Variants in ANO4 observed in about 807,000 individuals in gnomAD.
The protein encoded by ANO4 is anoctamin-4.
Under a neutral mutation model 141.9 loss-of-function variants are expected in ANO4, and 69 were observed. That is an observed-to-expected ratio of 0.49 (90% CI 0.40 to 0.59). The LOEUF (loss-of-function observed/expected upper bound fraction) is 0.59. Among genes scored for constraint, ANO4 ranks in the 20% least tolerant of loss-of-function variants. The pLI, the probability that ANO4 is intolerant of heterozygous loss-of-function variation, is 0.00. For missense variants in ANO4, 894 were observed against 1,162.2 expected, an observed-to-expected ratio of 0.77 and a Z score of 3.36; for synonymous variants, 350 against 394.3, an observed-to-expected ratio of 0.89 and a Z score of 1.33.
chr12:100,927,788 G>A (rs2041932098), intron 3 of ANO4, among the ~76,000 whole-genome samples: 1 of 151,978 alleles, frequency 6.6e-6, no homozygotes, highest in Non-Finnish European at 1.5e-5. Flanking sequence ...ATGATTCCCA[G>A]CATATCTGGA....
At chr12:101,020,754 A>G (rs1338140040) in intron 9 of ANO4, among the ~76,000 whole-genome samples, 1 of 152,106 alleles carries the variant, frequency 6.6e-6, no homozygotes, top group East Asian at 1.9e-4. Context: ...TACCATATAT[A>G]TTTTAGGCAT....
At chr12:100,733,371 C>T (rs2031466462) in intron 1 of ANO4, among the ~76,000 whole-genome samples, 1 of 152,132 alleles carries the variant, frequency 6.6e-6, no homozygotes, top group Non-Finnish European at 1.5e-5. Flanking sequence ...TCAGATAGTA[C>T]TCACCTTTTA....
rs2037692898 is a variant in ANO4, at chr12:100,848,408, A to G, written c.-140-53238A>G. On this transcript the variant is annotated intron_variant, in intron 1 of 27. Transcript: ENST00000392977. ...ATCCTATAGTTGGTTTACTATCAGA[A>G]TCACCAGGCAAACTTTTAAAAAAAG... is the stretch of plus-strand genomic sequence containing the variant. Among the ~76,000 whole-genome samples, 3 of 152,234 alleles carry G rather than the reference A, an allele frequency of 2.0e-5. No homozygotes were observed. The South Asian group carries it at 6.2e-4, about 31-fold the overall frequency.
intron 14 of ANO4, among the ~76,000 whole-genome samples, chr12:101,058,911 T>C (rs2048235705): frequency 6.6e-6 from 1 of 152,076 alleles, no homozygotes; most frequent in African/African-American, 2.4e-5. Flanking sequence ...TGAATAGGAG[T>C]GGTGAGAGAG....
At chr12:101,059,670 A>G (rs918079950) in intron 14 of ANO4, among the ~76,000 whole-genome samples, 4 of 152,020 alleles carry the variant, frequency 2.6e-5, no homozygotes, top group African/African-American at 7.2e-5. Context: ...CTTTGTGTAG[A>G]GGTGTTTATA....
At chr12:100,960,256 A>ACATG (rs1477420047) in intron 5 of ANO4, among the ~76,000 whole-genome samples, 3 of 144,788 alleles carry the variant, frequency 2.1e-5, no homozygotes, top group East Asian at 4.9e-4. Context: ...ATATTCACAC[A>ACATG]CACGCACACA....
At chr12:101,114,846 A>G (rs1252867802) in intron 24 of ANO4, among the ~76,000 whole-genome samples, 1 of 152,162 alleles carries the variant, frequency 6.6e-6, no homozygotes, top group Non-Finnish European at 1.5e-5. Flanking sequence ...CCCTTTCAGT[A>G]GGGGAGTCCT....
At chr12:100,723,646 A>G (rs957058947) in intron 1 of ANO4, among the ~76,000 whole-genome samples, 2 of 152,230 alleles carry the variant, frequency 1.3e-5, no homozygotes. Flanking sequence ...GAACACACTC[A>G]TGTATACATG....
intron 1 of ANO4, among the ~76,000 whole-genome samples, chr12:100,862,010 A>G (rs918455451): frequency 4.6e-5 from 7 of 152,146 alleles, no homozygotes; most frequent in Non-Finnish European, 7.3e-5. Context: ...CATGATAACA[A>G]TGCCTTCTGG....
chr12:100,782,168 A>G lies in ANO4; in HGVS notation c.358+42063A>G, dbSNP rs187193871. Among the ~76,000 whole-genome samples, 28 of 151,844 alleles carry G rather than the reference A, an allele frequency of 1.8e-4. No individual in the cohort carries two copies. In the East Asian group the frequency reaches 4.1e-3, roughly 22 times the overall value. On this transcript the variant is annotated intron_variant, in intron 3 of 29. Transcript: ENST00000644049. Reference sequence around the variant, plus strand: ...TTTACTTCCTACATCTCTGATCTCCACTCTTCACTATTTCTGTGACCCATA... The same window carrying G: ...TTTACTTCCTACATCTCTGATCTCCGCTCTTCACTATTTCTGTGACCCATA...
At chr12:101,000,177 C>A (rs556341593) in intron 8 of ANO4, among the ~76,000 whole-genome samples, 2 of 152,188 alleles carry the variant, frequency 1.3e-5, no homozygotes, top group African/African-American at 4.8e-5. Flanking sequence ...TTTGGAGAAT[C>A]TGCAAAGTTG....
At chr12:100,867,210 G>A (rs1273617405) in intron 1 of ANO4, among the ~76,000 whole-genome samples, 1 of 152,166 alleles carries the variant, frequency 6.6e-6, no homozygotes, top group Non-Finnish European at 1.5e-5. Flanking sequence ...TTCAGTTTAT[G>A]ACTCTTGCTT....
intron 1 of ANO4, among the ~76,000 whole-genome samples, chr12:100,897,582 A>G (rs893858285): frequency 1.3e-5 from 2 of 152,250 alleles, no homozygotes; most frequent in East Asian, 3.9e-4. Context: ...AAACTGCACA[A>G]TATGACCTTT....
intron 3 of ANO4, among the ~76,000 whole-genome samples, chr12:100,770,381 C>G (rs887161577): frequency 6.6e-6 from 1 of 152,174 alleles, no homozygotes; most frequent in African/African-American, 2.4e-5. Context: ...AGTTCAGATT[C>G]TTTCTTCTTC....
intron 1 of ANO4, among the ~76,000 whole-genome samples, chr12:100,887,023 G>A (rs1443070596): frequency 6.6e-6 from 1 of 152,188 alleles, no homozygotes; most frequent in African/African-American, 2.4e-5. Flanking sequence ...AGTTGTTGGG[G>A]ACAATAGATT....
chr12:100,873,514 A>G lies in ANO4; in HGVS notation c.-140-28132A>G, dbSNP rs181070992. Among the ~76,000 whole-genome samples, 267 of 152,264 alleles carry G rather than the reference A, an allele frequency of 1.8e-3. 1 individual carries two copies. Among genetic ancestry groups the G allele is most frequent in the African/African-American group, 5.7e-3 (236 of 41,554 alleles). On this transcript the variant is annotated intron_variant, in intron 1 of 27. Coordinates refer to ENST00000392977, the MANE Select transcript of ANO4 (RefSeq NM_001286615.2). ...GTTGGAGGTATCATGCCCCTGCCCTAGAGATCTGTGGAACTTTGAATTTAA... is the reference window on the plus strand; with the variant it reads ...GTTGGAGGTATCATGCCCCTGCCCTGGAGATCTGTGGAACTTTGAATTTAA...
chr12:101,093,084 T>C (rs1336584042), intron 17 of ANO4, among the ~76,000 whole-genome samples: 1 of 152,176 alleles, frequency 6.6e-6, no homozygotes, highest in Non-Finnish European at 1.5e-5. Context: ...AGGTTTCTTA[T>C]GGAAAATGAC....
intron 9 of ANO4, among the ~76,000 whole-genome samples, chr12:101,021,261 C>T (rs1044218056): frequency 5.9e-5 from 9 of 152,100 alleles, no homozygotes; most frequent in Non-Finnish European, 2.9e-5. Flanking sequence ...CTCTGTGAAG[C>T]CCCCCAAGGG....
chr12:101,099,951 C>G (rs760109200), intron 22 of ANO4, among the ~76,000 whole-genome samples: 1 of 152,162 alleles, frequency 6.6e-6, no homozygotes, highest in Non-Finnish European at 1.5e-5. Flanking sequence ...AGACCATGGG[C>G]TTTGGAAGTA....
Sources: gnomAD v4.1 joint callset for allele counts (sites outside exome capture counted in the v4.1 genomes callset) on GRCh38, gnomAD v4.1.1 for gene constraint, MANE v1.5 for transcripts, NCBI Gene and HGNC (gene_info 2026-07-23, HGNC 2026-07-21) for gene names.